APP: variants seen among roughly 807,000 people sequenced by gnomAD.
The protein encoded by APP is amyloid-beta precursor protein.
In APP, 31 loss-of-function variants were observed where a neutral mutation model predicts 101.4. The observed-to-expected ratio is 0.31, with a 90% confidence interval of 0.23 to 0.41. The LOEUF (loss-of-function observed/expected upper bound fraction) is 0.41, where lower values mean the gene tolerates loss of function less well. Among genes scored for constraint, APP ranks in the 10% least tolerant of loss-of-function variants. The pLI, the probability that APP is intolerant of heterozygous loss-of-function variation, is 1.00. For synonymous variants in APP, 366 were observed against 364.4 expected (o/e 1.00, Z -0.05); for missense variants, 839 against 1,003.7 (o/e 0.84, Z 2.22).
intron 11 of APP, among the ~76,000 whole-genome samples, chr21:25,968,655 T>C (rs1229754761): frequency 6.6e-6 from 1 of 152,184 alleles, no homozygotes; most frequent in Non-Finnish European, 1.5e-5. Context: ...GAATTCTAGC[T>C]GCACAAAAAC....
rs572814704 is a variant in APP at position 26,045,692 on chromosome 21, C to T, written c.662+5308G>A. 9.1e-4 allele frequency among the ~76,000 whole-genome samples: 138 copies of T among 152,210 alleles called. 2 individuals are homozygous for T. The highest frequency in any genetic ancestry group is 3.1e-3 in the African/African-American group (130 of 41,536). ...CTGGTGTAGTTAGAGGGCAAGGTGA[C>T]GTCTTGCCATATGTGACACTCCAGC... On this transcript the variant is annotated intron_variant, in intron 5 of 17. Coordinates refer to ENST00000346798, the MANE Select transcript of APP (RefSeq NM_000484.4).
chr21:25,890,261 G>A (rs2037604871), intron 17 of APP, among the ~76,000 whole-genome samples: 1 of 152,186 alleles, frequency 6.6e-6, no homozygotes, highest in African/African-American at 2.4e-5. Context: ...ATTTCCATCA[G>A]CAGCTTCTGT....
intron 2 of APP, among the ~76,000 whole-genome samples, chr21:26,106,839 C>T (rs1386991836): frequency 1.3e-5 from 2 of 152,210 alleles, no homozygotes; most frequent in Non-Finnish European, 2.9e-5. Context: ...AGCTGACTCA[C>T]CATTGACCCA....
rs539634796 is a variant in APP at position 25,945,155 on chromosome 21, C to T, written c.1687+9435G>A. Among the ~76,000 whole-genome samples, 26 of 152,226 alleles carry T rather than the reference C, an allele frequency of 1.7e-4. 1 individual carries two copies. Among genetic ancestry groups the T allele is most frequent in the African/African-American group, 6.3e-4 (26 of 41,554 alleles). ...TCATCATGGCTTAAGGAAAAGCTCA[C>T]AAATAATTTCTCTGGAATCTCACCA... On this transcript the variant is annotated intron_variant, in intron 13 of 17. Coordinates refer to ENST00000346798, the MANE Select transcript of APP (RefSeq NM_000484.4).
chr21:25,922,961 A>G (rs1052095348), intron 13 of APP, among the ~76,000 whole-genome samples: 2 of 146,406 alleles, frequency 1.4e-5, no homozygotes, highest in African/African-American at 2.6e-5. Context: ...GAGGCATCAC[A>G]CTACCTGACT....
intron 7 of APP, among the ~76,000 whole-genome samples, chr21:25,997,917 C>A (rs2043118243): frequency 6.6e-6 from 1 of 152,122 alleles, no homozygotes; most frequent in Non-Finnish European, 1.5e-5. Context: ...TCTAATACAT[C>A]TCTGTTGGGA....
chr21:26,153,141 C>T (rs1048148358), intron 1 of APP, among the ~76,000 whole-genome samples: 16 of 152,016 alleles, frequency 1.1e-4, no homozygotes, highest in African/African-American at 2.4e-4. Context: ...TAGAGACTCA[C>T]GAGGAGGAGG....
intron 8 of APP, among the ~76,000 whole-genome samples, chr21:25,986,437 G>C (rs2042639483): frequency 6.6e-6 from 1 of 152,124 alleles, no homozygotes; most frequent in Non-Finnish European, 1.5e-5. Flanking sequence ...CGGATGGGGT[G>C]GCTCACACCT....
intron 14 of APP, among the ~76,000 whole-genome samples, chr21:25,909,239 C>G (rs990356522): frequency 6.1e-5 from 9 of 147,264 alleles, no homozygotes; most frequent in African/African-American, 2.3e-4. Context: ...CTCCAGCCAG[C>G]CTGGGCGACA....
chr21:25,897,483 T>C (rs899511453), intron 16 of APP, 90 bp downstream of exon 16: 16 of 1,016,078 alleles, frequency 1.6e-5, no homozygotes, highest in African/African-American at 3.2e-5. Flanking sequence ...ATCTTTTCCT[T>C]AATTTGATTT....
chr21:25,903,522 GCTTT>G (rs1027383761), intron 15 of APP, among the ~76,000 whole-genome samples: 1 of 152,170 alleles, frequency 6.6e-6, no homozygotes, highest in Admixed American at 6.5e-5. Context: ...TCGAATGAGC[GCTTT>G]CTAAGTTACA....
rs1555886940 is a variant in APP at position 25,881,717 on chromosome 21, C to T, written c.2266G>A (p.Gly756Ser). ...ERHLSKMQQN[G>S]YENPTYKFFE... is the part of the protein sequence containing the mutation. The stretch of plus-strand genomic sequence containing the variant: ...AACTTGTAGGTTGGATTTTCGTAGC[C>T]GTTCTGCTGCATCTTGGACAGGTGG... The change falls in exon 18 of 18, where the codon GGC becomes AGC. Residue 756 changes from glycine (G) to serine (S), a missense_variant. Coordinates refer to ENST00000346798, the MANE Select transcript of APP (RefSeq NM_000484.4). The T allele has an allele frequency of 2.5e-6, 4 of 1,613,994 alleles. No individual in the cohort carries two copies. The highest frequency in any genetic ancestry group is 3.4e-6 in the Non-Finnish European group (4 of 1,180,036).
chr21:25,986,731 TA>T (rs1342154466), intron 8 of APP, among the ~76,000 whole-genome samples: 1 of 151,924 alleles, frequency 6.6e-6, no homozygotes, highest in Non-Finnish European at 1.5e-5. Context: ...AAATAAAGGC[TA>T]GGATTTCCAT....
At chr21:26,061,579 T>C (rs2046266349) in intron 3 of APP, among the ~76,000 whole-genome samples, 1 of 152,204 alleles carries the variant, frequency 6.6e-6, no homozygotes. Context: ...AAACTTTCCA[T>C]GTGATAAAAC....
chr21:26,086,099 C>A (rs541018057), intron 3 of APP, among the ~76,000 whole-genome samples: 31 of 152,270 alleles, frequency 2.0e-4, no homozygotes, highest in Non-Finnish European at 4.0e-4. Context: ...ATCTATTACA[C>A]CATGAAGAGC....
intron 1 of APP, among the ~76,000 whole-genome samples, chr21:26,138,274 T>C (rs530160152): frequency 2.6e-4 from 40 of 152,286 alleles, no homozygotes; most frequent in South Asian, 2.3e-3. Context: ...CTGGATGATG[T>C]ATATGTCTGA....
chr21:25,982,454 G>C lies in APP; in HGVS notation c.1114C>G (p.Pro372Ala), dbSNP rs971337492. 1 of 1,613,866 alleles carries C rather than the reference G, an allele frequency of 6.2e-7. No homozygotes were observed. The highest frequency in any genetic ancestry group is 1.3e-5 in the African/African-American group (1 of 74,988). The change falls in exon 9 of 18, where the codon CCT becomes GCT. Residue 372 changes from proline to alanine, a missense_variant. Pro to Ala is a conservative substitution (Grantham distance 27). Transcript: ENST00000346798. Reference protein sequence around the residue: ...VKLPTTAASTPDAVDKYLETP... With the variant: ...VKLPTTAASTADAVDKYLETP... The stretch of plus-strand genomic sequence containing the variant: ...TCGAGATACTTGTCAACGGCATCAG[G>C]GGTACTGGCTGCTGTTGTAGGAACT...
chr21:25,943,585 A>T (rs2040674550), intron 13 of APP, among the ~76,000 whole-genome samples: 1 of 151,432 alleles, frequency 6.6e-6, no homozygotes, highest in South Asian at 2.1e-4. Flanking sequence ...AGTAGCTGGG[A>T]TTACAGGCAT....
intron 5 of APP, among the ~76,000 whole-genome samples, chr21:26,029,216 C>T (rs1209588422): frequency 6.6e-6 from 1 of 152,114 alleles, no homozygotes; most frequent in Non-Finnish European, 1.5e-5. Flanking sequence ...ACTGGAACGA[C>T]TCAATGAGAT....
Sources: allele counts gnomAD v4.1 joint callset (sites outside exome capture counted in the v4.1 genomes callset), GRCh38; gene constraint gnomAD v4.1.1; transcripts MANE v1.5; gene names NCBI Gene and HGNC (gene_info 2026-07-23, HGNC 2026-07-21).